TRPM7: variants seen among roughly 807,000 people sequenced by gnomAD.
The protein encoded by TRPM7 is transient receptor potential cation channel subfamily M member 7, also known as LTRPC ion channel family member 7.
In TRPM7, 134 loss-of-function variants were observed where a neutral mutation model predicts 229.7. The observed-to-expected ratio is 0.58, with a 90% CI of 0.51 to 0.67. TRPM7 has a LOEUF of 0.67. TRPM7 is among the 30% of genes least tolerant of loss of function. The pLI is 0.00. For missense variants in TRPM7, 1,901 were observed against 2,210.0 expected (o/e 0.86, Z 2.80); for synonymous variants, 699 against 715.2 (o/e 0.98, Z 0.36).
intron 15 of TRPM7, 119 bp downstream of exon 15, chr15:50,613,586 CAT>C (rs1952917949): frequency 7.2e-6 from 5 of 690,246 alleles, no homozygotes; most frequent in Admixed American, 4.1e-5. Flanking sequence ...AATTCTAGGA[CAT>C]ATCCAAAAAC....
chr15:50,673,348 G>A (rs1050174934), intron 1 of TRPM7, among the ~76,000 whole-genome samples: 1 of 152,142 alleles, frequency 6.6e-6, no homozygotes, highest in African/African-American at 2.4e-5. Context: ...GGTGACTTGT[G>A]AGATTTTGGT....
rs34276298 is a variant in TRPM7, at chr15:50,680,569, CA to C, written c.3+5961del. On this transcript the variant is annotated intron_variant, in intron 1 of 38. Coordinates refer to ENST00000646667, the MANE Select transcript of TRPM7 (RefSeq NM_017672.6). ...AATTGACAGAGAGAGACACTTGTCT[CA>C]AAAAAAAAAAAACAAAAACCAGACA... 9.8e-4 allele frequency among the ~76,000 whole-genome samples: 104 copies of C among 106,538 alleles called. 1 individual carries two copies. Among genetic ancestry groups the C allele is most frequent in the Middle Eastern group, 5.2e-3 (1 of 194 alleles). The allele number at this position is 106,538 out of a possible 152,430, so 69.9% of individuals were successfully genotyped here.
rs1566969460 is a variant in TRPM7, at chr15:50,592,204, T to C, written c.4031A>G (p.Asn1344Ser). ...AGAAGAGGAACCAGCCTCTGGAAAA[T>C]TAAATTCTTTTCTCTGGGGTACTGC... ...LPAVPQRKEF[N>S]FPEAGSSSGA... is the part of the protein sequence containing the mutation. The change falls in exon 26 of 39, where the codon AAT becomes AGT. Residue 1344 changes from asparagine to serine, a missense_variant. Asn to Ser is a conservative substitution (Grantham distance 46). Transcript: ENST00000646667. The C allele has an allele frequency of 3.7e-6, 6 of 1,614,150 alleles. No homozygotes were observed. Among genetic ancestry groups the C allele is most frequent in the Non-Finnish European group, 5.1e-6 (6 of 1,180,022 alleles).
At chr15:50,583,186 A>G (rs2054508661) in intron 28 of TRPM7, 27 bp from the exon 29 acceptor site, 3 of 1,549,130 alleles carry the variant, frequency 1.9e-6, no homozygotes, top group South Asian at 1.2e-5. Flanking sequence ...AAATATAAAA[A>G]AGCTACACAA....
intron 1 of TRPM7, among the ~76,000 whole-genome samples, chr15:50,664,033 C>T (rs1429075208): frequency 6.6e-6 from 1 of 152,010 alleles, no homozygotes; most frequent in Non-Finnish European, 1.5e-5. Context: ...CGTGCGGTGG[C>T]TCACACGTAT....
rs1477437345 is a variant in TRPM7 at position 50,612,641 on chromosome 15, T to C, written c.1959A>G (p.Leu653=). ...TTGAACGATAGATCTTACAGGCAAC[T>C]AATGCTTTAGCCATTGATTCTTCAC... ...QHGEESMAKA[L]VACKIYRSMA... is the part of the protein sequence containing the mutation. Residue 653 remains leucine (L), a synonymous_variant, in exon 16 of 39, where the codon TTA becomes TTG. Transcript: ENST00000646667. 14 of 1,614,086 alleles carry C rather than the reference T, an allele frequency of 8.7e-6. No homozygotes were observed. The highest frequency in any genetic ancestry group is 1.2e-5 in the Non-Finnish European group (14 of 1,180,034).
At chr15:50,652,698 C>T (rs1457942185) in intron 3 of TRPM7, among the ~76,000 whole-genome samples, 1 of 152,004 alleles carries the variant, frequency 6.6e-6, no homozygotes, top group Non-Finnish European at 1.5e-5. Flanking sequence ...TGAGGTGAGA[C>T]TCATTCTGCT....
chr15:50,680,102 C>T (rs1419059684), intron 1 of TRPM7, among the ~76,000 whole-genome samples: 1 of 151,758 alleles, frequency 6.6e-6, no homozygotes, highest in South Asian at 2.1e-4. Flanking sequence ...GGCATGGTGG[C>T]GGGTGCCTGT....
chr15:50,650,540 T>C (rs898733931), intron 3 of TRPM7, among the ~76,000 whole-genome samples: 2 of 150,556 alleles, frequency 1.3e-5, no homozygotes, highest in African/African-American at 4.9e-5. Context: ...CCTAAAAATA[T>C]AAAAATTAAC....
In TRPM7 at chr15:50,569,869, G is replaced by C. The variant is rs776996323; in HGVS notation, c.5467+18C>G. On this transcript the variant is annotated intron_variant, in intron 38 of 38. Coordinates refer to ENST00000646667, the MANE Select transcript of TRPM7 (RefSeq NM_017672.6). ...TTCGTAACAATTTATATACTATACT[G>C]ATTAAGAAATTTTTTACCTGGAAGT... The C allele has an allele frequency of 3.2e-6, 5 of 1,555,774 alleles. No individual in the cohort carries two copies. Among genetic ancestry groups the C allele is most frequent in the Admixed American group, 1.8e-5 (1 of 56,352 alleles).
At chr15:50,658,745 C>A (rs1226824917) in intron 2 of TRPM7, among the ~76,000 whole-genome samples, 1 of 152,178 alleles carries the variant, frequency 6.6e-6, no homozygotes, top group Non-Finnish European at 1.5e-5. Flanking sequence ...GGCTAAAACA[C>A]ATCTGTAGTA....
At chr15:50,677,497 T>C (rs1287992460) in intron 1 of TRPM7, among the ~76,000 whole-genome samples, 2 of 151,868 alleles carry the variant, frequency 1.3e-5, no homozygotes, top group Non-Finnish European at 2.9e-5. Context: ...TCCCAGCACT[T>C]TGGGAGGCCA....
chr15:50,603,890 A>G (rs2059847792), intron 21 of TRPM7: 1 of 151,902 alleles, frequency 6.6e-6, no homozygotes, highest in African/African-American at 2.4e-5. Flanking sequence ...ATATTTATTT[A>G]CAAGAAGTCT....
chr15:50,661,297 A>G (rs900320871), intron 2 of TRPM7, among the ~76,000 whole-genome samples: 1 of 152,172 alleles, frequency 6.6e-6, no homozygotes, highest in African/African-American at 2.4e-5. Flanking sequence ...TTCTTATAAA[A>G]TATCTGTAGT....
rs776466248 is a variant in TRPM7, at chr15:50,609,693, C to T, written c.2468G>A (p.Ser823Asn). The change falls in exon 19 of 39, where the codon AGT (serine) becomes AAT (asparagine). Residue 823 changes from serine (S) to asparagine (N), a missense_variant. Physicochemically the swap from Ser to Asn is conservative, Grantham distance 46 (BLOSUM62 1). Coordinates refer to ENST00000646667, the MANE Select transcript of TRPM7 (RefSeq NM_017672.6). ...EVFKEVRILDSNEGKNEMEIQ... is the reference protein window; with the variant it reads ...EVFKEVRILDNNEGKNEMEIQ... ...CTCCATCTCATTCTTTCCTTCATTA[C>T]TATCCAAAATCCGTACTTCTTTAAA... is the stretch of plus-strand genomic sequence containing the variant. The T allele has an allele frequency of 2.4e-5, 38 of 1,604,642 alleles. No individual in the cohort carries two copies. Among genetic ancestry groups the T allele is most frequent in the Non-Finnish European group, 3.0e-5 (35 of 1,176,342 alleles).
At chr15:50,578,184 T>A (rs2073096775) in intron 31 of TRPM7, among the ~76,000 whole-genome samples, 1 of 152,210 alleles carries the variant, frequency 6.6e-6, no homozygotes, top group African/African-American at 2.4e-5. Context: ...CTATTCTGTA[T>A]GCACTATACA....
Position 50,679,538 on chromosome 15 carries a change from ATTT to A in TRPM7, c.3+6990_3+6992del, listed in dbSNP as rs58783893. On this transcript the variant is annotated intron_variant, in intron 1 of 38. Transcript: ENST00000646667. ...TATATATATATATATATATATATATATTTTTTTTTTTTTTTGAGACAGAGTCTT... is the reference window on the plus strand; with the variant it reads ...TATATATATATATATATATATATATATTTTTTTTTTTTGAGACAGAGTCTT... Among the ~76,000 whole-genome samples, 121 of 43,892 alleles carry A rather than the reference ATTT, an allele frequency of 2.8e-3. 1 individual carries two copies. Among genetic ancestry groups the A allele is most frequent in the South Asian group, 0.016 (22 of 1,412 alleles). The allele number at this position is 43,892 out of a possible 152,430, so 28.8% of individuals were successfully genotyped here.
rs764880478 is a variant in TRPM7, at chr15:50,561,276, TTTC to T, written c.*399_*401del. ...GCCATTTAACCAAAAGGCTGCGTGA[TTTC>T]TTCATTTCCCTAGTTGAATGGCAAT... is the stretch of plus-strand genomic sequence containing the variant. On this transcript the variant is annotated 3_prime_UTR_variant, in exon 39 of 39. Transcript: ENST00000646667. The T allele has an allele frequency of 1.0e-4, 16 of 158,902 alleles. No homozygotes were observed. The highest frequency in any genetic ancestry group is 9.7e-5 in the Non-Finnish European group (7 of 72,468). 9.8% of individuals were successfully genotyped at this position (158,902 alleles called of 1,614,324 possible).
At chr15:50,616,865 G>C (rs370152765) in intron 13 of TRPM7, among the ~76,000 whole-genome samples, 2 of 152,058 alleles carry the variant, frequency 1.3e-5, no homozygotes, top group East Asian at 1.9e-4. Context: ...ATTTTTAGTA[G>C]AGACAGGGTT....
Sources: allele counts gnomAD v4.1 joint callset (sites outside exome capture counted in the v4.1 genomes callset), GRCh38; gene constraint gnomAD v4.1.1; transcripts MANE v1.5; gene names NCBI Gene and HGNC (gene_info 2026-07-23, HGNC 2026-07-21).